CACNA1D: variants seen among roughly 807,000 people sequenced by gnomAD.
CACNA1D encodes voltage-dependent L-type calcium channel subunit alpha-1D.
CACNA1D carries 55 observed loss-of-function variants against 257.1 expected under a neutral mutation model. That is an observed-to-expected ratio of 0.21 (90% CI 0.17 to 0.27). The LOEUF is 0.27. Among genes scored for constraint, CACNA1D ranks in the 10% least tolerant of loss-of-function variants. CACNA1D has a pLI of 1.00. For synonymous variants in CACNA1D, 980 were observed against 1,014.9 expected (o/e 0.97, Z 0.65); for missense variants, 1,876 against 2,784.0 (o/e 0.67, Z 7.34).
intron 4 of CACNA1D, among the ~76,000 whole-genome samples, chr3:53,658,998 GC>G (rs1467857354): frequency 6.6e-6 from 1 of 152,214 alleles, no homozygotes; most frequent in Non-Finnish European, 1.5e-5. Flanking sequence ...CAATCCAGAG[GC>G]ACGCCAGTGG....
At position 53,811,542 on chromosome 3, in the gene CACNA1D, G is replaced by A. The variant is rs2095601039; in HGVS notation, c.*136G>A. The stretch of plus-strand genomic sequence containing the variant: ...TTAATTAGACTTTTGTATAAGAGAT[G>A]TCATGCCTCAAGAAAGCCATAAACC... On this transcript the variant is annotated 3_prime_UTR_variant, in exon 48 of 48. Transcript: ENST00000350061. The surrounding 1 kb of genome is among the most constrained non-coding windows in gnomAD (Gnocchi z 4.2). 1.4e-6 allele frequency: 1 copy of A among 722,870 alleles called. No homozygotes were observed. The highest frequency in any genetic ancestry group is 2.2e-6 in the Non-Finnish European group (1 of 455,860). 44.8% of individuals were successfully genotyped at this position (722,870 alleles called of 1,614,324 possible).
chr3:53,662,739 T>C (rs1455349155), intron 5 of CACNA1D, among the ~76,000 whole-genome samples: 2 of 152,204 alleles, frequency 1.3e-5, no homozygotes, highest in Non-Finnish European at 2.9e-5. Flanking sequence ...AGGAGCGGAA[T>C]GCAATAAAGT....
At chr3:53,526,762 A>C (rs1158635820) in intron 3 of CACNA1D, among the ~76,000 whole-genome samples, 1 of 152,216 alleles carries the variant, frequency 6.6e-6, no homozygotes, top group Non-Finnish European at 1.5e-5. Context: ...TCATCTGTAA[A>C]ATAGTATCCC....
At chr3:53,640,015 C>T (rs1180571158) in intron 3 of CACNA1D, among the ~76,000 whole-genome samples, 1 of 151,944 alleles carries the variant, frequency 6.6e-6, no homozygotes, top group Non-Finnish European at 1.5e-5. Context: ...ACTCGTGCCA[C>T]CATACTCAGC....
rs1393928394 is a variant in CACNA1D at position 53,811,292 on chromosome 3, C to G, written c.6372C>G (p.His2124Gln). The G allele has an allele frequency of 6.2e-7, 1 of 1,613,690 alleles. No individual in the cohort carries two copies. Residue 2124 changes from histidine to glutamine, a missense_variant, in exon 48 of 48, where the codon CAC (histidine) becomes CAG (glutamine). His to Gln is a conservative substitution (Grantham distance 24). Around this residue, in one of 10 missense-constraint regions of CACNA1D, gnomAD observed 491 missense variants for 554.3 expected, o/e 0.89. Coordinates refer to ENST00000350061, the MANE Select transcript of CACNA1D (RefSeq NM_001128840.3). This position sits in a 1 kb window ranked among gnomAD's most constrained non-coding sequence, Gnocchi z 4.2. ...ACGGGGATGTGGGCCCCCTCTCACA[C>G]CGGCAGGACTATGAGCTACAGGACT... ...RANGDVGPLS[H>Q]RQDYELQDFG...
chr3:53,620,078 C>T (rs2093679304), intron 3 of CACNA1D, among the ~76,000 whole-genome samples: 1 of 152,132 alleles, frequency 6.6e-6, no homozygotes, highest in Non-Finnish European at 1.5e-5. Context: ...TAAAATAATA[C>T]ACTAAGTATC....
At chr3:53,727,131 C>T in intron 15 of CACNA1D, 132 bp downstream of exon 15, 1 of 1,024,714 alleles carries the variant, frequency 9.8e-7, no homozygotes, top group South Asian at 1.3e-5. Flanking sequence ...ACCTTATTAG[C>T]TCAATATCTG....
rs145694718 is a variant in CACNA1D at position 53,740,563 on chromosome 3, A to G, written c.2811+224A>G. Reference sequence around the variant, plus strand: ...AAGCGTGGAGTGCTTTTGATTTTTTATGGGTTTTTTTTTTGTCTTTCGTGG... The same window carrying G: ...AAGCGTGGAGTGCTTTTGATTTTTTGTGGGTTTTTTTTTTGTCTTTCGTGG... On this transcript the variant is annotated intron_variant, in intron 21 of 47. Coordinates refer to ENST00000350061, the MANE Select transcript of CACNA1D (RefSeq NM_001128840.3). 2,567 of 388,240 alleles carry G rather than the reference A, an allele frequency of 6.6e-3. 59 individuals are homozygous for G. Among genetic ancestry groups the G allele is most frequent in the African/African-American group, 0.049 (2,200 of 44,892 alleles). 24.0% of individuals were successfully genotyped at this position (388,240 alleles called of 1,614,324 possible).
At chr3:53,762,502 C>T (rs1042964914) in intron 30 of CACNA1D, 7 of 448,850 alleles carry the variant, frequency 1.6e-5, no homozygotes, top group Non-Finnish European at 2.7e-5. Flanking sequence ...CTTCTTTTTT[C>T]CTGTGGTGCT....
At chr3:53,698,808 T>C (rs2094595204) in intron 8 of CACNA1D, among the ~76,000 whole-genome samples, 1 of 141,182 alleles carries the variant, frequency 7.1e-6, no homozygotes, top group Non-Finnish European at 1.5e-5. Context: ...CTTTATTGCT[T>C]TTTTTTTTTT....
At chr3:53,656,172 G>A (rs2094145763) in intron 4 of CACNA1D, among the ~76,000 whole-genome samples, 1 of 152,116 alleles carries the variant, frequency 6.6e-6, no homozygotes, top group Non-Finnish European at 1.5e-5. Context: ...TGCTGTTTTG[G>A]TTACTGCAGC....
intron 20 of CACNA1D, 29 bp from the exon 21 acceptor site, chr3:53,740,251 T>C (rs1332466972): frequency 5.8e-6 from 9 of 1,550,352 alleles, no homozygotes; most frequent in Non-Finnish European, 8.0e-6. Flanking sequence ...TGAATTCCTT[T>C]TCTCACTCCC....
At chr3:53,780,684 A>G (rs2095421133) in intron 38 of CACNA1D, among the ~76,000 whole-genome samples, 1 of 152,242 alleles carries the variant, frequency 6.6e-6, no homozygotes, top group Admixed American at 6.5e-5. Flanking sequence ...AGCCATGCTC[A>G]GCCCTGGTCA....
chr3:53,661,735 A>G (rs1274278892), intron 5 of CACNA1D, among the ~76,000 whole-genome samples: 5 of 152,192 alleles, frequency 3.3e-5, no homozygotes. Context: ...AAGAACTCAC[A>G]TAGCATTGTG....
chr3:53,507,157 A>G (rs1167519817), intron 3 of CACNA1D, among the ~76,000 whole-genome samples: 1 of 152,024 alleles, frequency 6.6e-6, no homozygotes, highest in Non-Finnish European at 1.5e-5. Flanking sequence ...CTCGTGTAGT[A>G]AAACTTTACC....
At chr3:53,578,791 T>C (rs807199) in intron 3 of CACNA1D, among the ~76,000 whole-genome samples, 128,838 of 152,220 alleles carry the variant, frequency 0.85, 54,601 homozygotes, top group African/African-American at 0.87. Flanking sequence ...TGGTATTGTC[T>C]TCTTGAAATT....
At chr3:53,742,142 A>G (rs974428986) in intron 21 of CACNA1D, among the ~76,000 whole-genome samples, 1 of 152,322 alleles carries the variant, frequency 6.6e-6, no homozygotes, top group African/African-American at 2.4e-5. Flanking sequence ...CTTAAGCCCT[A>G]TGAAATTGCC....
chr3:53,703,592 A>C (rs988508382), intron 9 of CACNA1D, among the ~76,000 whole-genome samples: 1 of 152,214 alleles, frequency 6.6e-6, no homozygotes, highest in Non-Finnish European at 1.5e-5. Context: ...TTTGACTGAG[A>C]TGTCTGTGAC....
At chr3:53,687,608 G>A (rs1440316999) in intron 8 of CACNA1D, among the ~76,000 whole-genome samples, 2 of 151,170 alleles carry the variant, frequency 1.3e-5, no homozygotes, top group Non-Finnish European at 2.9e-5. Flanking sequence ...ACTTGAAATC[G>A]ATCATAGATC....
Sources: gnomAD v4.1 joint callset for allele counts (sites outside exome capture counted in the v4.1 genomes callset) on GRCh38, gnomAD v4.1.1 for gene constraint, gnomAD v4.1.1 regional missense constraint, Gnocchi (gnomAD v3.1) non-coding constraint, MANE v1.5 for transcripts, NCBI Gene and HGNC (gene_info 2026-07-23, HGNC 2026-07-21) for gene names.